PRR5L: variants seen among roughly 807,000 people sequenced by gnomAD.
PRR5L encodes proline-rich protein 5-like.
Under a neutral mutation model 36.4 loss-of-function variants are expected in PRR5L, and 21 were observed. That is an observed-to-expected ratio of 0.58 (90% CI 0.41 to 0.83). The LOEUF is 0.83. Ranked by LOEUF, PRR5L falls within the 40% of genes least tolerant of loss-of-function variation. The pLI, the probability that PRR5L is intolerant of heterozygous loss-of-function variation, is 0.00. For missense variants in PRR5L, 381 were observed against 473.3 expected (o/e 0.80, Z 1.81); for synonymous variants, 188 against 197.0 (o/e 0.95, Z 0.38).
intron 1 of PRR5L, among the ~76,000 whole-genome samples, chr11:36,305,564 C>G (rs931295160): frequency 6.6e-6 from 1 of 152,110 alleles, no homozygotes; most frequent in Non-Finnish European, 1.5e-5. Flanking sequence ...ATTTACGTCC[C>G]CCTGAAATTC....
chr11:36,324,019 T>A (rs1298255847), intron 1 of PRR5L, among the ~76,000 whole-genome samples: 2 of 152,216 alleles, frequency 1.3e-5, no homozygotes, highest in African/African-American at 4.8e-5. Context: ...TGGCAGTTAT[T>A]ATAATTAACC....
intron 1 of PRR5L, among the ~76,000 whole-genome samples, chr11:36,345,893 G>A (rs969348118): frequency 6.6e-6 from 1 of 152,216 alleles, no homozygotes; most frequent in East Asian, 1.9e-4. Context: ...TTTCCTAAAA[G>A]TATAATTCCT....
intron 1 of PRR5L, among the ~76,000 whole-genome samples, chr11:36,358,160 C>T (rs548764158): frequency 1.3e-4 from 20 of 152,312 alleles, no homozygotes; most frequent in African/African-American, 3.8e-4. Flanking sequence ...TAGAATATTA[C>T]ATAAATTTAG....
chr11:36,328,281 ATGGTT>A (rs2133469685), intron 1 of PRR5L, among the ~76,000 whole-genome samples: 1 of 152,300 alleles, frequency 6.6e-6, no homozygotes, highest in East Asian at 1.9e-4. Flanking sequence ...TGAGGCTGAT[ATGGTT>A]TGGATTTGTG....
chr11:36,332,305 A>C (rs889969999), intron 1 of PRR5L, among the ~76,000 whole-genome samples: 1 of 152,164 alleles, frequency 6.6e-6, no homozygotes, highest in Non-Finnish European at 1.5e-5. Context: ...GATACAAACA[A>C]CCAAACCAGC....
chr11:36,378,829 C>T (rs12421636), intron 1 of PRR5L, among the ~76,000 whole-genome samples: 5,598 of 152,216 alleles, frequency 0.037, 138 homozygotes, highest in East Asian at 0.099. Context: ...ATATCCCTAT[C>T]ATATAGATGA....
chr11:36,309,304 C>A (rs924127492), intron 1 of PRR5L, among the ~76,000 whole-genome samples: 1 of 152,160 alleles, frequency 6.6e-6, no homozygotes, highest in South Asian at 2.1e-4. Context: ...ATCATCAATA[C>A]GCAAATGTAG....
chr11:36,298,486 A>T (rs1259911311), intron 1 of PRR5L, among the ~76,000 whole-genome samples: 2 of 152,222 alleles, frequency 1.3e-5, no homozygotes, highest in African/African-American at 4.8e-5. Context: ...CATAAGGAGC[A>T]TGCAAACTAG....
At chr11:36,379,913 A>C (rs1163977363) in intron 1 of PRR5L, among the ~76,000 whole-genome samples, 1 of 152,138 alleles carries the variant, frequency 6.6e-6, no homozygotes, top group Non-Finnish European at 1.5e-5. Context: ...CTCAGGTAGG[A>C]AGGTATTATT....
At chr11:36,320,239 C>CTTGTTTTT (rs1856600713) in intron 1 of PRR5L, among the ~76,000 whole-genome samples, 1 of 94,910 alleles carries the variant, frequency 1.1e-5, no homozygotes, top group East Asian at 3.7e-4. Flanking sequence ...AACTGGGAAT[C>CTTGTTTTT]TTTTTTTTTT....
chr11:36,421,895 C>T (rs1001255171), intron 4 of PRR5L, among the ~76,000 whole-genome samples: 5 of 152,144 alleles, frequency 3.3e-5, no homozygotes, highest in African/African-American at 1.2e-4. Context: ...GAGCAGTCCT[C>T]GAACTTAGTG....
intron 1 of PRR5L, among the ~76,000 whole-genome samples, chr11:36,381,140 C>A (rs1405149952): frequency 6.6e-6 from 1 of 152,168 alleles, no homozygotes; most frequent in East Asian, 1.9e-4. Context: ...ACCCACACAT[C>A]AATATTCTGG....
chr11:36,317,290 C>G (rs980252495), intron 1 of PRR5L, among the ~76,000 whole-genome samples: 2 of 152,196 alleles, frequency 1.3e-5, no homozygotes, highest in East Asian at 1.9e-4. Flanking sequence ...AACCCCAGCT[C>G]TCTCTCAATT....
At chr11:36,297,134 C>T (rs1856320352) in intron 1 of PRR5L, among the ~76,000 whole-genome samples, 2 of 152,124 alleles carry the variant, frequency 1.3e-5, no homozygotes, top group Admixed American at 6.5e-5. Flanking sequence ...GTCATTCACC[C>T]GGGGTCACAC....
At chr11:36,410,419 G>A (rs56403503) in intron 3 of PRR5L, among the ~76,000 whole-genome samples, 7,087 of 152,186 alleles carry the variant, frequency 0.047, 221 homozygotes, top group African/African-American at 0.088. Flanking sequence ...CTGCCCCTGT[G>A]GCATGGGGGG....
At chr11:36,416,500 G>A (rs1039713943) in intron 3 of PRR5L, among the ~76,000 whole-genome samples, 2 of 152,158 alleles carry the variant, frequency 1.3e-5, no homozygotes, top group South Asian at 4.1e-4. Flanking sequence ...CCTCAGTAAA[G>A]AAATGGTTAT....
intron 1 of PRR5L, among the ~76,000 whole-genome samples, chr11:36,343,853 T>A (rs1261063136): frequency 6.6e-6 from 1 of 152,178 alleles, no homozygotes; most frequent in Non-Finnish European, 1.5e-5. Flanking sequence ...ATCTAGGGCA[T>A]TTGGTTCTAA....
intron 1 of PRR5L, chr11:36,376,815 C>G (rs914537633): frequency 2.5e-6 from 2 of 800,120 alleles, no homozygotes; most frequent in South Asian, 1.1e-4. Flanking sequence ...CGCGGCGTGG[C>G]GGGGGTAGGA....
intron 8 of PRR5L, among the ~76,000 whole-genome samples, chr11:36,455,874 C>T (rs1016645628): frequency 6.6e-6 from 1 of 152,206 alleles, no homozygotes; most frequent in East Asian, 1.9e-4. Context: ...AGCAAGGAAA[C>T]GCTGTCTGCC....
Sources: allele counts gnomAD v4.1 joint callset (sites outside exome capture counted in the v4.1 genomes callset), GRCh38; gene constraint gnomAD v4.1.1; transcripts MANE v1.5; gene names NCBI Gene and HGNC (gene_info 2026-07-23, HGNC 2026-07-21).